NT5C1B: variants seen among roughly 807,000 people sequenced by gnomAD.
NT5C1B encodes the protein 5'-nucleotidase, cytosolic IB, also known as cytosolic 5'-nucleotidase 1B.
Under a neutral mutation model 57.8 loss-of-function variants are expected in NT5C1B, and 44 were observed. That is an observed-to-expected ratio of 0.76 (90% CI 0.60 to 0.98). NT5C1B has a LOEUF of 0.98. NT5C1B is among the 50% of genes least tolerant of loss of function. The probability of loss-of-function intolerance (pLI) is 0.00; values close to 1 mark genes in which losing one functional copy is unlikely to be tolerated. For synonymous variants in NT5C1B, 284 were observed against 282.6 expected, an observed-to-expected ratio of 1.00 and a Z score of -0.05; for missense variants, 742 against 719.5, an observed-to-expected ratio of 1.03 and a Z score of -0.36.
rs2148167090 is a variant in NT5C1B, at chr2:18,584,282, A to G, written c.724-27T>C. On this transcript the variant is annotated intron_variant, in intron 4 of 8. Coordinates refer to ENST00000304081, the Ensembl canonical transcript of NT5C1B. This position sits in a 1 kb window ranked among gnomAD's most constrained non-coding sequence, Gnocchi z 5.8. ...TGCAGAGAGGGACGCCAAAGGGAGG[A>G]TAGTCACATAGCCACGAAGAGGACA... The G allele has an allele frequency of 6.2e-7, 1 of 1,607,402 alleles. No individual in the cohort carries two copies. The highest frequency in any genetic ancestry group is 8.5e-7 in the Non-Finnish European group (1 of 1,176,098).
At chr2:18,564,729 A>T (rs1379136561) in intron 8 of NT5C1B, among the ~76,000 whole-genome samples, 1 of 152,146 alleles carries the variant, frequency 6.6e-6, no homozygotes, top group African/African-American at 2.4e-5. Context: ...ATTTATTCAT[A>T]TTACAAACAT....
chr2:18,570,322 T>C (rs57866978), intron 8 of NT5C1B, among the ~76,000 whole-genome samples: 16,966 of 151,866 alleles, frequency 0.11, 1,426 homozygotes, highest in African/African-American at 0.23. Context: ...GGAAAATTGA[T>C]TTACTTCTGG....
rs559538037 is a variant in NT5C1B, at chr2:18,584,214, G to A, written c.765C>T (p.Cys255=). Reference sequence around the variant, plus strand: ...TGCCGTCCACCATGTTGAAGAGCGCGCAGGATGAGAGAGCAATGGTGATGG... The same window carrying A: ...TGCCGTCCACCATGTTGAAGAGCGCACAGGATGAGAGAGCAATGGTGATGG... Residue 255 remains cysteine (C), a synonymous_variant, in exon 5 of 9, where the codon TGC becomes TGT. Coordinates refer to ENST00000304081, the Ensembl canonical transcript of NT5C1B. This position sits in a 1 kb window ranked among gnomAD's most constrained non-coding sequence, Gnocchi z 5.8. 6.2e-6 allele frequency: 10 copies of A among 1,614,158 alleles called. No homozygotes were observed. The Admixed American group carries it at 6.7e-5, about 11-fold the overall frequency.
chr2:18,566,128 T>A (rs1664618174), intron 8 of NT5C1B, among the ~76,000 whole-genome samples: 1 of 152,222 alleles, frequency 6.6e-6, no homozygotes, highest in Non-Finnish European at 1.5e-5. Context: ...GAGCTCTTCA[T>A]CTGTTATTAG....
chr2:18,568,087 GACACACAC>G (rs3046807), intron 8 of NT5C1B, among the ~76,000 whole-genome samples: 1,590 of 142,708 alleles, frequency 0.011, 6 homozygotes, highest in Non-Finnish European at 0.014. Flanking sequence ...AATGCTGTGG[GACACACAC>G]ACACACACAC....
In NT5C1B at chr2:18,584,451, G is replaced by A. The variant is rs1203143624; in HGVS notation, c.723+63C>T. The stretch of plus-strand genomic sequence containing the variant: ...GGACCTCCCTGCGCAGTGGAGAGGA[G>A]GGCGGCTGGAAGAGGCTGCAAGGAA... On this transcript the variant is annotated intron_variant, in intron 4 of 8. Coordinates refer to ENST00000304081, the Ensembl canonical transcript of NT5C1B. The surrounding 1 kb of genome is among the most constrained non-coding windows in gnomAD (Gnocchi z 5.8). 4.2e-5 allele frequency: 65 copies of A among 1,565,578 alleles called. No homozygotes were observed. Among genetic ancestry groups the A allele is most frequent in the Non-Finnish European group, 5.5e-5 (64 of 1,157,418 alleles).
At chr2:18,586,996 T>C in intron 2 of NT5C1B, 1 of 1,614,170 alleles carries the variant, frequency 6.2e-7, no homozygotes, top group East Asian at 2.2e-5. Context: ...CTGCTCACCC[T>C]CATCATGGTG....
intron 3 of NT5C1B, among the ~76,000 whole-genome samples, chr2:18,585,553 C>T (rs1255815443): frequency 6.6e-6 from 1 of 152,178 alleles, no homozygotes; most frequent in Non-Finnish European, 1.5e-5. Flanking sequence ...CCAGGGCCTT[C>T]AGAGCTCCTT....
At position 18,573,837 on chromosome 2, in the gene NT5C1B, T is replaced by C. The variant is rs192313121; in HGVS notation, c.1329+2347A>G. 1.6e-3 allele frequency among the ~76,000 whole-genome samples: 250 copies of C among 152,304 alleles called. 2 individuals carry two copies. Among genetic ancestry groups the C allele is most frequent in the African/African-American group, 5.8e-3 (242 of 41,580 alleles). On this transcript the variant is annotated intron_variant, in intron 8 of 8. Coordinates refer to ENST00000304081, the Ensembl canonical transcript of NT5C1B. Reference sequence around the variant, plus strand: ...TAAAAAAATGGCATGTTTTTTAAACTGGCAGAAGTACTGCATAATAAAGGA... The same window carrying C: ...TAAAAAAATGGCATGTTTTTTAAACCGGCAGAAGTACTGCATAATAAAGGA...
intron 2 of NT5C1B, 67 bp downstream of exon 2, chr2:18,587,436 C>T: frequency 1.3e-6 from 2 of 1,594,478 alleles, no homozygotes; most frequent in African/African-American, 1.3e-5. Flanking sequence ...ACTCCCTGCC[C>T]CCTAACATTT....
intron 6 of NT5C1B, 25 bp from the exon 7 acceptor site, chr2:18,576,920 G>A (rs779031999): frequency 6.2e-7 from 1 of 1,612,072 alleles, no homozygotes; most frequent in Non-Finnish European, 8.5e-7. Context: ...GAAAGACTTT[G>A]TTATGACAGA....
chr2:18,586,434 C>T (rs201038964), intron 2 of NT5C1B, 43 bp from the exon 3 acceptor site: 50 of 1,608,294 alleles, frequency 3.1e-5, no homozygotes, highest in Middle Eastern at 1.8e-4. Flanking sequence ...AACCCCATCA[C>T]CAACTCCTTC....
In NT5C1B at chr2:18,586,221, T is replaced by C. The variant is rs182272520; in HGVS notation, c.258+33A>G. 270 of 1,606,302 alleles carry C rather than the reference T, an allele frequency of 1.7e-4. 3 individuals are homozygous for C. The African/African-American group carries it at 3.3e-3, about 19-fold the overall frequency. ...AATGTTAACCATTGTTATTATTCTA[T>C]CATCTACTACTCCCTTTCATCTTTA... On this transcript the variant is annotated intron_variant, in intron 3 of 8. Coordinates refer to ENST00000304081, the Ensembl canonical transcript of NT5C1B.
chr2:18,584,151 C>G lies in NT5C1B; in HGVS notation c.828G>C (p.Met276Ile). 6.2e-7 allele frequency: 1 copy of G among 1,614,184 alleles called. No individual in the cohort carries two copies. Among genetic ancestry groups the G allele is most frequent in the Non-Finnish European group, 8.5e-7 (1 of 1,180,040 alleles). Residue 276 changes from methionine (M) to isoleucine (I), a missense_variant, in exon 5 of 9, where the codon ATG becomes ATC. Transcript: ENST00000304081. This position sits in a 1 kb window ranked among gnomAD's most constrained non-coding sequence, Gnocchi z 5.8. ...CGTTCTCATTGGTGAGCTGATACTC[C>G]ATGTACTTTTCCAGACCCTCTTGCT...
Position 18,584,760 on chromosome 2 carries a change from G to A in NT5C1B, c.477C>T (p.Gly159=). ...GGGTCTGGCGGATTTCCCGCACGATGCCTTGGGCCCAGGCCTCCGGATTCT... is the reference window on the plus strand; with the variant it reads ...GGGTCTGGCGGATTTCCCGCACGATACCTTGGGCCCAGGCCTCCGGATTCT... The change falls in exon 4 of 9, where the codon GGC becomes GGT. Residue 159 remains glycine (G), a synonymous_variant. Transcript: ENST00000304081. The surrounding 1 kb of genome is among the most constrained non-coding windows in gnomAD (Gnocchi z 5.8). 6.2e-7 allele frequency: 1 copy of A among 1,613,654 alleles called. No homozygotes were observed. Among genetic ancestry groups the A allele is most frequent in the East Asian group, 2.2e-5 (1 of 44,860 alleles).
At chr2:18,586,548 A>G in intron 2 of NT5C1B, 157 bp from the exon 3 acceptor site, 2 of 1,131,584 alleles carry the variant, frequency 1.8e-6, no homozygotes, top group Non-Finnish European at 2.4e-6. Context: ...ACTCTTCTGT[A>G]CTATTCTAAC....
chr2:18,587,946 A>G (rs377027313), intron 1 of NT5C1B, among the ~76,000 whole-genome samples: 8 of 152,104 alleles, frequency 5.3e-5, no homozygotes, highest in Non-Finnish European at 1.0e-4. Flanking sequence ...GAAGATTGCT[A>G]CTTATGGAAC....
intron 6 of NT5C1B, among the ~76,000 whole-genome samples, chr2:18,578,554 A>G (rs1224230210): frequency 1.3e-5 from 2 of 152,120 alleles, no homozygotes; most frequent in Non-Finnish European, 2.9e-5. Flanking sequence ...AGTAAAAACT[A>G]TATGATAATC....
chr2:18,576,153 A>G (rs769315461), intron 8 of NT5C1B, 31 bp downstream of exon 8: 9 of 1,552,988 alleles, frequency 5.8e-6, no homozygotes, highest in Non-Finnish European at 7.8e-6. Context: ...AAATAAGTAC[A>G]TAAAAATTAA....
Sources: gnomAD v4.1 joint callset for allele counts (sites outside exome capture counted in the v4.1 genomes callset) on GRCh38, gnomAD v4.1.1 for gene constraint, Gnocchi (gnomAD v3.1) non-coding constraint, MANE v1.5 for transcripts, NCBI Gene and HGNC (gene_info 2026-07-23, HGNC 2026-07-21) for gene names.